The following MGAT4C variants were observed in gnomAD, a reference collection of about 807,000 sequenced individuals.
MGAT4C encodes MGAT4 family member C.
A neutral mutation model predicts 40.1 loss-of-function variants in MGAT4C; 19 were observed. The observed-to-expected ratio is 0.47, with a 90% CI of 0.33 to 0.70. The LOEUF (loss-of-function observed/expected upper bound fraction) is 0.70. Among genes scored for constraint, MGAT4C ranks in the 30% least tolerant of loss-of-function variants. The probability of loss-of-function intolerance (pLI) is 0.02; values close to 1 mark genes in which losing one functional copy is unlikely to be tolerated. For synonymous variants in MGAT4C, 181 were observed against 187.1 expected, an observed-to-expected ratio of 0.97 and a Z score of 0.27; for missense variants, 491 against 563.2, an observed-to-expected ratio of 0.87 and a Z score of 1.30.
chr12:86,733,407 C>T (rs192910819), intron 1 of MGAT4C, among the ~76,000 whole-genome samples: 88 of 151,972 alleles, frequency 5.8e-4, no homozygotes, highest in African/African-American at 1.9e-3. Context: ...CTATGATCCC[C>T]GAGTAACAAG....
rs1387300052 is a variant in MGAT4C at position 86,299,518 on chromosome 12, T to C, written c.-57+34547A>G. Among the ~76,000 whole-genome samples, 5 of 152,308 alleles carry C rather than the reference T, an allele frequency of 3.3e-5. No homozygotes were observed. In the East Asian group the frequency reaches 9.6e-4, roughly 29 times the overall value. ...TGAAGAGAGCTTGTTTGTCCTTTAG[T>C]TTGGGTCAATAGAGACAAACAATTT... On this transcript the variant is annotated intron_variant, in intron 4 of 7. Transcript: ENST00000548651.
intron 1 of MGAT4C, among the ~76,000 whole-genome samples, chr12:86,804,316 A>G (rs888563580): frequency 1.4e-5 from 2 of 145,898 alleles, no homozygotes; most frequent in Admixed American, 6.8e-5. Context: ...ACCTAATGCT[A>G]GATGACGAGT....
At chr12:86,360,051 A>C (rs191569374) in intron 3 of MGAT4C, among the ~76,000 whole-genome samples, 1 of 152,342 alleles carries the variant, frequency 6.6e-6, no homozygotes, top group East Asian at 1.9e-4. Flanking sequence ...ATTTTAGACC[A>C]ATATCCCTGA....
At chr12:86,412,505 G>T (rs1259246732) in intron 3 of MGAT4C, among the ~76,000 whole-genome samples, 1 of 152,170 alleles carries the variant, frequency 6.6e-6, no homozygotes, top group African/African-American at 2.4e-5. Flanking sequence ...TTTGCACAGG[G>T]CCTGTAGCCC....
intron 1 of MGAT4C, among the ~76,000 whole-genome samples, chr12:86,772,826 G>C (rs1951662188): frequency 2.0e-5 from 3 of 152,110 alleles, no homozygotes; most frequent in African/African-American, 7.2e-5. Context: ...TTTCAAAGAA[G>C]ACAACTTGTC....
intron 2 of MGAT4C, among the ~76,000 whole-genome samples, chr12:86,486,582 T>A: frequency 6.6e-6 from 1 of 152,258 alleles, no homozygotes; most frequent in South Asian, 2.1e-4. Context: ...ATAAAATCAG[T>A]TCTTCTTGAC....
At chr12:86,276,213 ATTAC>A (rs1953078280) in intron 4 of MGAT4C, among the ~76,000 whole-genome samples, 1 of 152,122 alleles carries the variant, frequency 6.6e-6, no homozygotes, top group African/African-American at 2.4e-5. Context: ...TACTAACATA[ATTAC>A]TTAAATTTAG....
chr12:86,642,806 TTATATG>T (rs1963429387), intron 2 of MGAT4C, among the ~76,000 whole-genome samples: 1 of 151,636 alleles, frequency 6.6e-6, no homozygotes. Context: ...TATATATATT[TTATATG>T]TATATCTATG....
In MGAT4C at chr12:86,272,149, C is replaced by CTGACT. The variant is rs973966321; in HGVS notation, c.-57+61911_-57+61915dup. On this transcript the variant is annotated intron_variant, in intron 4 of 7. Coordinates refer to the MGAT4C transcript ENST00000548651. Reference sequence around the variant, plus strand: ...TCATGTTATGAATATCCTAAATACACTGACTTGATTGCTATGCATTATATA... The same window carrying CTGACT: ...TCATGTTATGAATATCCTAAATACACTGACTTGACTTGATTGCTATGCATTATATA... Among the ~76,000 whole-genome samples the CTGACT allele has an allele frequency of 4.6e-5, 7 of 152,172 alleles. No individual in the cohort carries two copies. In the East Asian group the frequency reaches 1.2e-3, roughly 25 times the overall value.
At chr12:86,578,902 C>T (rs1235609780) in intron 2 of MGAT4C, among the ~76,000 whole-genome samples, 3 of 151,032 alleles carry the variant, frequency 2.0e-5, no homozygotes, top group Non-Finnish European at 3.0e-5. Flanking sequence ...TTTGCTGTTG[C>T]TTTTCTAGTT....
intron 2 of MGAT4C, among the ~76,000 whole-genome samples, chr12:86,044,606 G>C (rs1433116288): frequency 1.3e-5 from 2 of 152,094 alleles, no homozygotes; most frequent in Admixed American, 1.3e-4. Flanking sequence ...GGAGGCTGTG[G>C]TCAGGGGAAG....
chr12:86,159,418 T>C (rs1885339403), intron 1 of MGAT4C, among the ~76,000 whole-genome samples: 1 of 108,956 alleles, frequency 9.2e-6, no homozygotes, highest in Non-Finnish European at 2.0e-5. Context: ...CTGGATTCAA[T>C]TTGCTACTTT....
At chr12:86,682,560 C>T (rs903414058) in intron 2 of MGAT4C, among the ~76,000 whole-genome samples, 10 of 152,004 alleles carry the variant, frequency 6.6e-5, no homozygotes, top group African/African-American at 2.4e-4. Context: ...AATTTAAGCT[C>T]CTTTAATTTT....
chr12:86,051,806 T>C (rs1166545723), intron 1 of MGAT4C, among the ~76,000 whole-genome samples: 1 of 151,372 alleles, frequency 6.6e-6, no homozygotes, highest in Non-Finnish European at 1.5e-5. Flanking sequence ...TATAATTTAG[T>C]TGATTTTGGA....
At position 86,040,853 on chromosome 12, in the gene MGAT4C, G is replaced by A. The variant is rs1891755316; in HGVS notation, c.-7+8821C>T. On this transcript the variant is annotated intron_variant, in intron 2 of 4. Coordinates refer to ENST00000611864, the MANE Select transcript of MGAT4C (RefSeq NM_001351288.2). ...CTGGAGTGAATCTCCTGGTCTGTGT[G>A]TTGCGAAAACCATGGGAAAGCACAG... is the stretch of plus-strand genomic sequence containing the variant. Among the ~76,000 whole-genome samples, 3 of 152,186 alleles carry A rather than the reference G, an allele frequency of 2.0e-5. No individual in the cohort carries two copies. The South Asian group carries it at 6.2e-4, about 32-fold the overall frequency.
intron 1 of MGAT4C, among the ~76,000 whole-genome samples, chr12:86,093,731 AAACAACAACAAC>A (rs35399411): frequency 0.015 from 2,270 of 149,520 alleles, 66 homozygotes; most frequent in African/African-American, 0.051. Flanking sequence ...CTCCGTCTAA[AAACAACAACAAC>A]AACAACAACA....
At chr12:86,501,937 T>A (rs961405468) in intron 2 of MGAT4C, among the ~76,000 whole-genome samples, 2 of 152,132 alleles carry the variant, frequency 1.3e-5, no homozygotes, top group Admixed American at 1.3e-4. Flanking sequence ...ATGGCTGAAC[T>A]AATTTACATT....
chr12:86,616,005 A>G (rs142757263), intron 2 of MGAT4C, among the ~76,000 whole-genome samples: 16 of 152,248 alleles, frequency 1.1e-4, no homozygotes, highest in African/African-American at 3.8e-4. Flanking sequence ...AGAAAGTTGT[A>G]GAATGTCTAC....
chr12:86,248,928 A>G (rs949386843), intron 1 of MGAT4C, among the ~76,000 whole-genome samples: 11 of 152,122 alleles, frequency 7.2e-5, no homozygotes, highest in Non-Finnish European at 8.8e-5. Context: ...ATCTTCCCCC[A>G]TTATTTATTT....
Sources: allele counts gnomAD v4.1 joint callset (sites outside exome capture counted in the v4.1 genomes callset), GRCh38; gene constraint gnomAD v4.1.1; transcripts MANE v1.5; gene names NCBI Gene and HGNC (gene_info 2026-07-23, HGNC 2026-07-21).